Variants in FREM1 observed in about 807,000 individuals in gnomAD.
FREM1 encodes FRAS1-related extracellular matrix protein 1.
A neutral mutation model predicts 210.1 loss-of-function variants in FREM1; 220 were observed. The observed-to-expected ratio is 1.05, with a 90% confidence interval of 0.94 to 1.17. The LOEUF (loss-of-function observed/expected upper bound fraction) is 1.17. Ranked by LOEUF, FREM1 falls within the 50% of genes most tolerant of loss-of-function variation. The pLI, the probability that FREM1 is intolerant of heterozygous loss-of-function variation, is 0.00. For synonymous variants in FREM1, 1,189 were observed against 980.2 expected, an observed-to-expected ratio of 1.21 and a Z score of -3.98; for missense variants, 3,454 against 2,675.5, an observed-to-expected ratio of 1.29 and a Z score of -6.42.
At chr9:14,792,677 G>T in intron 22 of FREM1, 66 bp downstream of exon 22, 1 of 1,190,568 alleles carries the variant, frequency 8.4e-7, no homozygotes, top group Non-Finnish European at 1.2e-6. Flanking sequence ...TCATAGAAAT[G>T]TGTATATTGA....
At chr9:14,833,333 G>C (rs1207496781) in intron 10 of FREM1, among the ~76,000 whole-genome samples, 1 of 152,142 alleles carries the variant, frequency 6.6e-6, no homozygotes, top group Non-Finnish European at 1.5e-5. Flanking sequence ...AGTATATCTT[G>C]GGAAGCGGCT....
chr9:14,774,251 A>G, intron 25 of FREM1: 4 of 480,058 alleles, frequency 8.3e-6, no homozygotes, highest in South Asian at 6.3e-5. Context: ...ATTAGATGGG[A>G]TTACGTTTAC....
At chr9:14,890,001 G>C (rs1443001669) in intron 1 of FREM1, among the ~76,000 whole-genome samples, 4 of 152,226 alleles carry the variant, frequency 2.6e-5, no homozygotes, top group Admixed American at 1.3e-4. Context: ...AGACCTGCCT[G>C]TGCAGATTCC....
In FREM1 at chr9:14,861,188, T is replaced by C. The variant is rs866426738; in HGVS notation, c.330-1704A>G. The stretch of plus-strand genomic sequence containing the variant: ...ACACATGTATGTACATATATACACA[T>C]ATATACATATATACACACATATACA... On this transcript the variant is annotated intron_variant, in intron 3 of 36. Coordinates refer to ENST00000380880, the MANE Select transcript of FREM1 (RefSeq NM_001379081.2). Among the ~76,000 whole-genome samples, 157 of 122,044 alleles carry C rather than the reference T, an allele frequency of 1.3e-3. 4 individuals are homozygous for C. The highest frequency in any genetic ancestry group is 8.7e-3 in the Middle Eastern group (2 of 230). 80.1% of individuals were successfully genotyped at this position (122,044 alleles called of 152,430 possible).
chr9:14,834,030 G>C (rs1208028535), intron 10 of FREM1, among the ~76,000 whole-genome samples: 1 of 152,168 alleles, frequency 6.6e-6, no homozygotes, highest in African/African-American at 2.4e-5. Context: ...GTTCTGTTTT[G>C]CATTGTGTTA....
intron 36 of FREM1, 83 bp downstream of exon 36, chr9:14,740,066 G>T (rs1417241321): frequency 5.1e-6 from 4 of 777,358 alleles, no homozygotes; most frequent in Non-Finnish European, 8.7e-6. Flanking sequence ...TTAACCCATG[G>T]AAGGAAGTAG....
rs886063768 is a variant in FREM1, at chr9:14,789,095, G to C, written c.4001C>G (p.Pro1334Arg). The C allele has an allele frequency of 3.1e-6, 5 of 1,594,440 alleles. No individual in the cohort carries two copies. In the East Asian group the frequency reaches 9.1e-5, roughly 29 times the overall value. The change falls in exon 23 of 37, where the codon CCT (proline) becomes CGT (arginine). Residue 1334 changes from proline (P) to arginine (R), a missense_variant. Coordinates refer to ENST00000380880, the MANE Select transcript of FREM1 (RefSeq NM_001379081.2). ...LQLKIGRDWV[P>R]LSPGMKCTQE... ...AGTGCATTTCATGCCAGGGGAGAGAGGAACCCAGTCCCTCCCTATCTGGAA... is the reference window on the plus strand; with the variant it reads ...AGTGCATTTCATGCCAGGGGAGAGACGAACCCAGTCCCTCCCTATCTGGAA...
chr9:14,888,398 A>G (rs1836192213), intron 1 of FREM1, among the ~76,000 whole-genome samples: 1 of 152,176 alleles, frequency 6.6e-6, no homozygotes, highest in South Asian at 2.1e-4. Flanking sequence ...CACTAGCCCT[A>G]AAGTTTTATT....
chr9:14,775,512 C>T (rs1848392164), intron 25 of FREM1, among the ~76,000 whole-genome samples: 1 of 151,936 alleles, frequency 6.6e-6, no homozygotes, highest in Non-Finnish European at 1.5e-5. Flanking sequence ...TCGCCACCAG[C>T]CTGACTGACA....
chr9:14,801,300 G>A (rs940901190), intron 20 of FREM1, among the ~76,000 whole-genome samples: 13 of 152,244 alleles, frequency 8.5e-5, no homozygotes, highest in East Asian at 5.8e-4. Context: ...GCCCGGCCAC[G>A]CTGTGGAATG....
chr9:14,773,956 T>A (rs558447572), intron 25 of FREM1: 75 of 404,528 alleles, frequency 1.9e-4, no homozygotes, highest in Non-Finnish European at 2.9e-4. Flanking sequence ...GTTAGGGGAG[T>A]TAGGAATAAA....
chr9:14,792,897 A>G lies in FREM1; in HGVS notation c.3840-13T>C. 6.5e-7 allele frequency: 1 copy of G among 1,546,020 alleles called. No homozygotes were observed. The highest frequency in any genetic ancestry group is 8.8e-7 in the Non-Finnish European group (1 of 1,141,120). On this transcript the variant is annotated splice_polypyrimidine_tract_variant and intron_variant, in intron 21 of 36. Coordinates refer to ENST00000380880, the MANE Select transcript of FREM1 (RefSeq NM_001379081.2). ...AATTTCAGCCTTCCTGTAAAAAGAA[A>G]AATGTCTGGGTTGATATAAAAATAG... is the stretch of plus-strand genomic sequence containing the variant.
chr9:14,777,726 T>C (rs1446738514), intron 24 of FREM1, among the ~76,000 whole-genome samples: 1 of 152,192 alleles, frequency 6.6e-6, no homozygotes. Context: ...AATCCCTTTA[T>C]TCTTTGTGAA....
At chr9:14,841,060 G>A (rs1212478962) in intron 10 of FREM1, among the ~76,000 whole-genome samples, 5 of 152,148 alleles carry the variant, frequency 3.3e-5, no homozygotes, top group Admixed American at 3.3e-4. Flanking sequence ...AAGGAAACTG[G>A]AGCATGGGTT....
chr9:14,898,539 C>T (rs533794962), intron 1 of FREM1, among the ~76,000 whole-genome samples: 7 of 152,078 alleles, frequency 4.6e-5, no homozygotes, highest in Non-Finnish European at 7.4e-5. Flanking sequence ...GTCAGGAGTT[C>T]GAGACCAGCC....
intron 35 of FREM1, among the ~76,000 whole-genome samples, chr9:14,744,696 T>G (rs913835996): frequency 2.4e-4 from 37 of 152,298 alleles, no homozygotes; most frequent in African/African-American, 8.7e-4. Context: ...ATGAATAAAG[T>G]TATTATACAA....
At chr9:14,851,700 G>T in intron 5 of FREM1, 93 bp from the exon 6 acceptor site, 1 of 1,058,652 alleles carries the variant, frequency 9.4e-7, no homozygotes, top group Non-Finnish European at 1.5e-6. Context: ...TACAGCCACA[G>T]CCTAGCGTCT....
In FREM1 at chr9:14,801,771, C is replaced by T. The variant is rs79023327; in HGVS notation, c.3575G>A (p.Arg1192His). 5.1e-3 allele frequency: 8,245 copies of T among 1,613,874 alleles called. 359 individuals carry two copies. The East Asian group carries it at 0.12, about 24-fold the overall frequency. ...CCCCCTATCGATGAGGAGGCCATGG[C>T]GTGGCTTTTGAGTGATGCTGAACAG... ...ALLFSITQKP[R>H]HGLLIDRGFS... The change falls in exon 20 of 37, where the codon CGC becomes CAC. Residue 1192 changes from arginine (R) to histidine (H), a missense_variant. Coordinates refer to ENST00000380880, the MANE Select transcript of FREM1 (RefSeq NM_001379081.2).
chr9:14,839,086 G>T (rs2131147201), intron 10 of FREM1, among the ~76,000 whole-genome samples: 1 of 152,262 alleles, frequency 6.6e-6, no homozygotes. Flanking sequence ...GCAACTATAA[G>T]GATTTGGTTA....
Sources: allele counts gnomAD v4.1 joint callset (sites outside exome capture counted in the v4.1 genomes callset), GRCh38; gene constraint gnomAD v4.1.1; transcripts MANE v1.5; gene names NCBI Gene and HGNC (gene_info 2026-07-23, HGNC 2026-07-21).